Variants in FHIT observed in about 807,000 individuals in gnomAD.
FHIT encodes fragile histidine triad diadenosine triphosphatase.
In FHIT, 19 loss-of-function variants were observed where a neutral mutation model predicts 17.9. That is an observed-to-expected ratio of 1.06 (90% confidence interval 0.74 to 1.56). The LOEUF (loss-of-function observed/expected upper bound fraction) is 1.56. Ranked by LOEUF, FHIT falls within the 40% of genes most tolerant of loss-of-function variation. The pLI, the probability that FHIT is intolerant of heterozygous loss-of-function variation, is 0.00. For synonymous variants in FHIT, 81 were observed against 69.7 expected, an observed-to-expected ratio of 1.16 and a Z score of -0.81; for missense variants, 248 against 189.2, an observed-to-expected ratio of 1.31 and a Z score of -1.82.
chr3:59,876,442 AGT>A (rs1408461012), intron 8 of FHIT, among the ~76,000 whole-genome samples: 1 of 50,366 alleles, frequency 2.0e-5, no homozygotes, highest in Non-Finnish European at 4.0e-5. Flanking sequence ...GCAGGGAGGG[AGT>A]GTGGGAGCAG....
At chr3:60,891,357 GTTGA>G (rs1705508841) in intron 3 of FHIT, among the ~76,000 whole-genome samples, 2 of 152,102 alleles carry the variant, frequency 1.3e-5, no homozygotes, top group Non-Finnish European at 2.9e-5. Context: ...CCCAGATCAG[GTTGA>G]TCACCCTGGA....
chr3:60,046,420 G>T (rs1024179067), intron 5 of FHIT, among the ~76,000 whole-genome samples: 1 of 152,190 alleles, frequency 6.6e-6, no homozygotes, highest in Non-Finnish European at 1.5e-5. Flanking sequence ...GGCTGCCATC[G>T]GTGTTTACAA....
intron 7 of FHIT, among the ~76,000 whole-genome samples, chr3:59,974,231 G>A (rs1435175829): frequency 6.6e-6 from 1 of 152,108 alleles, no homozygotes; most frequent in African/African-American, 2.4e-5. Flanking sequence ...GCTACACAGT[G>A]CCCAAGAGAA....
At chr3:60,828,030 T>C (rs376101738) in intron 3 of FHIT, among the ~76,000 whole-genome samples, 54 of 152,208 alleles carry the variant, frequency 3.5e-4, no homozygotes, top group African/African-American at 1.2e-3. Flanking sequence ...GTTTGAATCC[T>C]GGGCTCTACC....
chr3:59,845,600 T>A (rs890642996), intron 8 of FHIT, among the ~76,000 whole-genome samples: 1 of 152,164 alleles, frequency 6.6e-6, no homozygotes. Context: ...TTCCTTCTGT[T>A]ACTGATTTCT....
At chr3:61,188,543 A>G (rs190755576) in intron 2 of FHIT, among the ~76,000 whole-genome samples, 2 of 151,936 alleles carry the variant, frequency 1.3e-5, no homozygotes, top group Non-Finnish European at 2.9e-5. Flanking sequence ...AACTATTCCA[A>G]TCAATAGAAA....
intron 5 of FHIT, among the ~76,000 whole-genome samples, chr3:60,307,185 G>A (rs1708714916): frequency 6.6e-6 from 1 of 152,134 alleles, no homozygotes. Context: ...AGGCAGTACA[G>A]CACTCTGTCT....
At chr3:60,830,454 A>G (rs1702291825) in intron 3 of FHIT, among the ~76,000 whole-genome samples, 3 of 152,136 alleles carry the variant, frequency 2.0e-5, no homozygotes. Context: ...ACCATTAGAG[A>G]TTTCTCTCAG....
At chr3:59,761,824 CTGACCTCA>C (rs1247788329) in intron 8 of FHIT, among the ~76,000 whole-genome samples, 1 of 152,110 alleles carries the variant, frequency 6.6e-6, no homozygotes, top group African/African-American at 2.4e-5. Context: ...TCTCGAACTC[CTGACCTCA>C]TGACCTGCCC....
chr3:60,460,338 T>A (rs1480182798), intron 5 of FHIT, among the ~76,000 whole-genome samples: 2 of 152,096 alleles, frequency 1.3e-5, no homozygotes, highest in Non-Finnish European at 2.9e-5. Context: ...GGCTTTGGAC[T>A]AATAACCAAC....
chr3:59,842,273 A>G (rs1701562015), intron 8 of FHIT, among the ~76,000 whole-genome samples: 1 of 152,226 alleles, frequency 6.6e-6, no homozygotes, highest in Non-Finnish European at 1.5e-5. Context: ...ATTTTATTGC[A>G]TGTATATAAC....
Position 61,198,824 on chromosome 3 carries a change from A to G in FHIT, c.-164+1793T>C, listed in dbSNP as rs555115979. ...TTAGAAATATTATCCTGAAGCTTCT[A>G]AAAAGAATAGACTTATAAAAATGTA... On this transcript the variant is annotated intron_variant, in intron 2 of 9. Coordinates refer to ENST00000492590, the MANE Select transcript of FHIT (RefSeq NM_002012.4). Among the ~76,000 whole-genome samples, 7 of 152,272 alleles carry G rather than the reference A, an allele frequency of 4.6e-5. No individual in the cohort carries two copies. The East Asian group carries it at 1.4e-3, about 29-fold the overall frequency.
intron 4 of FHIT, among the ~76,000 whole-genome samples, chr3:60,710,972 C>A (rs1553704917): frequency 6.6e-6 from 1 of 152,352 alleles, no homozygotes; most frequent in African/African-American, 2.4e-5. Context: ...ACTGCCTCCT[C>A]AAGTGGGTCC....
chr3:59,878,214 T>C (rs1187517693), intron 8 of FHIT, among the ~76,000 whole-genome samples: 1 of 152,172 alleles, frequency 6.6e-6, no homozygotes, highest in Non-Finnish European at 1.5e-5. Context: ...TATGAAAACA[T>C]AATATAATTT....
chr3:61,114,472 T>C (rs1453233414), intron 2 of FHIT, among the ~76,000 whole-genome samples: 1 of 152,216 alleles, frequency 6.6e-6, no homozygotes, highest in Non-Finnish European at 1.5e-5. Flanking sequence ...CACCAAGTTA[T>C]GTAACCTCAA....
intron 5 of FHIT, among the ~76,000 whole-genome samples, chr3:60,091,248 C>T (rs1237715479): frequency 6.6e-6 from 1 of 152,184 alleles, no homozygotes; most frequent in Admixed American, 6.5e-5. Context: ...AAAGCCCATC[C>T]AGGCAAGGAC....
intron 5 of FHIT, among the ~76,000 whole-genome samples, chr3:60,169,988 T>G (rs1026397012): frequency 6.6e-6 from 1 of 152,192 alleles, no homozygotes; most frequent in African/African-American, 2.4e-5. Flanking sequence ...TCTGCTGTTT[T>G]CGATGATCCA....
intron 5 of FHIT, 44 bp downstream of exon 5, chr3:60,536,816 G>T: frequency 6.4e-7 from 1 of 1,557,990 alleles, no homozygotes; most frequent in Non-Finnish European, 8.6e-7. Flanking sequence ...GTTAGGCTCA[G>T]AAGACTTTTA....
At chr3:60,289,263 A>G (rs560894664) in intron 5 of FHIT, among the ~76,000 whole-genome samples, 1 of 152,314 alleles carries the variant, frequency 6.6e-6, no homozygotes, top group East Asian at 1.9e-4. Flanking sequence ...ATGATCACTC[A>G]TTTCATTGGA....
Sources: allele counts gnomAD v4.1 joint callset (sites outside exome capture counted in the v4.1 genomes callset), GRCh38; gene constraint gnomAD v4.1.1; transcripts MANE v1.5; gene names NCBI Gene and HGNC (gene_info 2026-07-23, HGNC 2026-07-21).